The following MINDY4 variants were observed in gnomAD, a reference collection of about 807,000 sequenced individuals.
MINDY4 encodes the protein MINDY lysine 48 deubiquitinase 4.
In MINDY4, 68 loss-of-function variants were observed where a neutral mutation model predicts 87.0. The observed-to-expected ratio is 0.78, with a 90% CI of 0.64 to 0.96. The LOEUF (loss-of-function observed/expected upper bound fraction) is 0.96. Ranked by LOEUF, MINDY4 falls within the 40% of genes least tolerant of loss-of-function variation. MINDY4 has a pLI of 0.00. For synonymous variants in MINDY4, 379 were observed against 363.2 expected (o/e 1.04, Z -0.50); for missense variants, 919 against 928.2 (o/e 0.99, Z 0.13).
At chr7:30,857,675 T>A (rs1460787234) in intron 12 of MINDY4, 1 of 68,694 alleles carries the variant, frequency 1.5e-5, no homozygotes, top group Non-Finnish European at 2.4e-5. Context: ...GGTCTCGATC[T>A]CCTGACCTCG....
At chr7:30,779,868 C>A in intron 2 of MINDY4, 1 of 152,302 alleles carries the variant, frequency 6.6e-6, no homozygotes. Context: ...TTAAGACACC[C>A]AGAAGATCCA....
chr7:30,878,206 C>T (rs553775401), intron 15 of MINDY4, among the ~76,000 whole-genome samples: 4 of 152,244 alleles, frequency 2.6e-5, no homozygotes, highest in East Asian at 1.9e-4. Flanking sequence ...TGGGCCATGA[C>T]GTCCGCAGCG....
chr7:30,865,589 G>A (rs958434333), intron 13 of MINDY4, among the ~76,000 whole-genome samples: 2 of 152,132 alleles, frequency 1.3e-5, no homozygotes, highest in Admixed American at 6.5e-5. Flanking sequence ...TCTCTGCCTC[G>A]CTTCCTCTGG....
At chr7:30,891,404 G>A (rs2128584510) in intron 17 of MINDY4, among the ~76,000 whole-genome samples, 1 of 138,988 alleles carries the variant, frequency 7.2e-6, no homozygotes, top group East Asian at 2.0e-4. Flanking sequence ...GCTTCTTCAG[G>A]TTAAAAAACA....
intron 1 of MINDY4, among the ~76,000 whole-genome samples, chr7:30,772,225 C>T (rs1786665357): frequency 6.6e-6 from 1 of 152,128 alleles, no homozygotes; most frequent in Non-Finnish European, 1.5e-5. Context: ...CATACATTAG[C>T]TCATTCAGCA....
Position 30,882,375 on chromosome 7 carries a change from C to CCCCCCCCCCCCCCCCCCCCCCCCCCCCCA in MINDY4, c.2152+20_2152+21insCCCCCCCCCCCCCCCCCCCCCCACCCCCC. 7.9e-7 allele frequency: 1 copy of CCCCCCCCCCCCCCCCCCCCCCCCCCCCCA among 1,269,894 alleles called. No homozygotes were observed. The highest frequency in any genetic ancestry group is 1.1e-6 in the Non-Finnish European group (1 of 938,816). 78.7% of individuals were successfully genotyped at this position (1,269,894 alleles called of 1,614,324 possible). A position where few individuals can be genotyped will look rare whatever the true frequency, so the allele number is the denominator to read the frequency against. On this transcript the variant is annotated intron_variant, in intron 16 of 17. Transcript: ENST00000265299. ...GGCTGACCATTGGTGCGGGCCCTCA[C>CCCCCCCCCCCCCCCCCCCCCCCCCCCCCA]CCCCCCACCCACCCAACCCTGTCCC...
chr7:30,883,646 T>A (rs989139944), intron 17 of MINDY4, among the ~76,000 whole-genome samples: 1 of 152,172 alleles, frequency 6.6e-6, no homozygotes, highest in Non-Finnish European at 1.5e-5. Context: ...AGTGGGCCCC[T>A]GGGCTGGTGG....
rs116834997 is a variant in MINDY4 at position 30,774,041 on chromosome 7, C to T, written c.63+2485C>T. ...GAATGAGATTGGAGAGAAACACACA[C>T]CACTATGTTGATGGTATCACTCTAA... On this transcript the variant is annotated intron_variant, in intron 1 of 17. Transcript: ENST00000265299. 8.3e-3 allele frequency among the ~76,000 whole-genome samples: 1,270 copies of T among 152,312 alleles called. 14 individuals carry two copies. The highest frequency in any genetic ancestry group is 0.028 in the African/African-American group (1,174 of 41,554).
chr7:30,855,164 G>T (rs1789533649), intron 12 of MINDY4, among the ~76,000 whole-genome samples: 1 of 152,252 alleles, frequency 6.6e-6, no homozygotes, highest in Non-Finnish European at 1.5e-5. Context: ...TTAGTCATAT[G>T]TAGCCTTGGG....
chr7:30,790,150 A>G (rs963203229), intron 4 of MINDY4, among the ~76,000 whole-genome samples: 5 of 152,174 alleles, frequency 3.3e-5, no homozygotes, highest in African/African-American at 1.2e-4. Context: ...TCCTCCCTAC[A>G]GTCTTGTTGG....
At chr7:30,872,155 G>A in intron 13 of MINDY4, 88 bp from the exon 14 acceptor site, 3 of 1,240,832 alleles carry the variant, frequency 2.4e-6, no homozygotes, top group Non-Finnish European at 3.5e-6. Context: ...TCTTAGCCTG[G>A]AACCTAAGGG....
chr7:30,866,117 A>T (rs1789926783), intron 13 of MINDY4, among the ~76,000 whole-genome samples: 1 of 152,138 alleles, frequency 6.6e-6, no homozygotes, highest in South Asian at 2.1e-4. Context: ...CAAGCCTGAG[A>T]GCTGGGTGGG....
chr7:30,879,731 T>C (rs1412844748), intron 15 of MINDY4, among the ~76,000 whole-genome samples: 1 of 152,240 alleles, frequency 6.6e-6, no homozygotes, highest in Non-Finnish European at 1.5e-5. Context: ...GGGGTCCTTC[T>C]CATTGTCCCC....
intron 1 of MINDY4, among the ~76,000 whole-genome samples, chr7:30,775,914 C>T (rs1317869559): frequency 6.6e-6 from 1 of 152,190 alleles, no homozygotes; most frequent in East Asian, 1.9e-4. Flanking sequence ...TGCCTGGGCC[C>T]AAAACTTTGG....
At chr7:30,817,462 T>TA (rs1381789708) in intron 5 of MINDY4, among the ~76,000 whole-genome samples, 1 of 151,396 alleles carries the variant, frequency 6.6e-6, no homozygotes, top group East Asian at 2.0e-4. Flanking sequence ...CACAAAAACT[T>TA]ACTGCTTCTC....
chr7:30,847,604 A>C (rs1188045675), intron 9 of MINDY4, among the ~76,000 whole-genome samples: 2 of 152,244 alleles, frequency 1.3e-5, no homozygotes, highest in African/African-American at 4.8e-5. Context: ...TTTTACAAAG[A>C]GGATATAATG....
At chr7:30,812,275 G>C (rs540475075) in intron 5 of MINDY4, among the ~76,000 whole-genome samples, 8 of 91,478 alleles carry the variant, frequency 8.7e-5, no homozygotes, top group South Asian at 4.6e-4. Context: ...GTGTTGAGGG[G>C]GGGGGGGTAT....
intron 10 of MINDY4, among the ~76,000 whole-genome samples, chr7:30,850,830 G>A (rs1025209907): frequency 6.6e-6 from 1 of 152,150 alleles, no homozygotes; most frequent in Admixed American, 6.5e-5. Context: ...AGGAGCTCTG[G>A]GGTGACCCCT....
intron 5 of MINDY4, among the ~76,000 whole-genome samples, chr7:30,825,508 C>G (rs967835185): frequency 1.3e-5 from 2 of 152,160 alleles, no homozygotes; most frequent in Admixed American, 1.3e-4. Flanking sequence ...GAGATTTGGC[C>G]CTTGTCCTGC....
Sources: gnomAD v4.1 joint callset for allele counts (sites outside exome capture counted in the v4.1 genomes callset) on GRCh38, gnomAD v4.1.1 for gene constraint, MANE v1.5 for transcripts, NCBI Gene and HGNC (gene_info 2026-07-23, HGNC 2026-07-21) for gene names.